ADAM22: variants seen among roughly 807,000 people sequenced by gnomAD.
The protein encoded by ADAM22 is ADAM metallopeptidase domain 22, also known as disintegrin and metalloproteinase domain-containing protein 22.
In ADAM22, 65 loss-of-function variants were observed where a neutral mutation model predicts 144.6. That is an observed-to-expected ratio of 0.45 (90% CI 0.37 to 0.55). ADAM22 has a LOEUF of 0.55. Among genes scored for constraint, ADAM22 ranks in the 20% least tolerant of loss-of-function variants. The pLI, the probability that ADAM22 is intolerant of heterozygous loss-of-function variation, is 0.00. For missense variants in ADAM22, 974 were observed against 1,184.9 expected, an observed-to-expected ratio of 0.82 and a Z score of 2.61; for synonymous variants, 391 against 412.6, an observed-to-expected ratio of 0.95 and a Z score of 0.63.
intron 4 of ADAM22, among the ~76,000 whole-genome samples, chr7:88,077,427 G>A (rs1814914748): frequency 6.6e-6 from 1 of 152,232 alleles, no homozygotes; most frequent in African/African-American, 2.4e-5. Flanking sequence ...CGATGCAGAA[G>A]ACGGGTGATT....
chr7:88,092,912 A>G (rs1585650539), intron 4 of ADAM22, among the ~76,000 whole-genome samples: 1 of 152,000 alleles, frequency 6.6e-6, no homozygotes, highest in East Asian at 2.0e-4. Context: ...TTTGTAACCT[A>G]TTTGAGTAGA....
intron 4 of ADAM22, among the ~76,000 whole-genome samples, chr7:88,085,281 C>T (rs1417440937): frequency 6.6e-6 from 1 of 152,106 alleles, no homozygotes; most frequent in Non-Finnish European, 1.5e-5. Context: ...TTTGCACAAG[C>T]ATGGCCATAT....
chr7:87,954,538 G>A (rs1432389704), intron 2 of ADAM22, among the ~76,000 whole-genome samples: 1 of 152,134 alleles, frequency 6.6e-6, no homozygotes, highest in Non-Finnish European at 1.5e-5. Context: ...GCTTCCCTTT[G>A]TGGGTAACCC....
chr7:88,141,004 G>A (rs1400414540), intron 14 of ADAM22, among the ~76,000 whole-genome samples: 1 of 151,810 alleles, frequency 6.6e-6, no homozygotes, highest in African/African-American at 2.4e-5. Context: ...CAGAGGAGGG[G>A]TCCCAGTGGT....
At chr7:88,149,112 A>G (rs1837563661) in intron 18 of ADAM22, 55 bp downstream of exon 18, 1 of 1,210,536 alleles carries the variant, frequency 8.3e-7, no homozygotes, top group Non-Finnish European at 1.2e-6. Context: ...GGGTATCTTT[A>G]GTGCACTGAC....
chr7:87,990,155 A>G (rs1392456050), intron 3 of ADAM22, among the ~76,000 whole-genome samples: 1 of 152,134 alleles, frequency 6.6e-6, no homozygotes, highest in East Asian at 1.9e-4. Flanking sequence ...AAAAAGATAA[A>G]GACCCTATCT....
Position 88,128,590 on chromosome 7 carries a change from C to T in ADAM22, c.679-12C>T. On this transcript the variant is annotated splice_polypyrimidine_tract_variant and intron_variant, in intron 8 of 31. Coordinates refer to ENST00000413139, the MANE Select transcript of ADAM22 (RefSeq NM_001324418.2). ...GGCTGAATTAGGTGCTGTTTCCTTT[C>T]CTGTGTTACAGCTTCGTCGATATCC... The T allele has an allele frequency of 6.2e-7, 1 of 1,607,046 alleles. No individual in the cohort carries two copies.
rs1840683255 is a variant in ADAM22, at chr7:87,934,506, T to C, written c.41T>C (p.Leu14Pro). Residue 14 changes from leucine to proline, a missense_variant, in exon 1 of 32, where the codon CTC (leucine) becomes CCC (proline). Coordinates refer to ENST00000413139, the MANE Select transcript of ADAM22 (RefSeq NM_001324418.2). ...AVAVSVPFLL[L>P]CVLGTCPPAR... ...GCTGTGTCCGTGCCCTTCTTGCTGC[T>C]CTGTGTCCTGGGGACCTGCCCTCCG... The C allele has an allele frequency of 6.2e-7, 1 of 1,608,978 alleles. No homozygotes were observed. The highest frequency in any genetic ancestry group is 8.5e-7 in the Non-Finnish European group (1 of 1,179,598).
chr7:88,117,752 G>A lies in ADAM22; in HGVS notation c.607+938G>A, dbSNP rs1024922275. ...TCTATCGCCCAGGCTGGAATGCAGT[G>A]ACGCGACCTCAGCTCACTGCAACCT... On this transcript the variant is annotated intron_variant, in intron 7 of 31. Coordinates refer to ENST00000413139, the MANE Select transcript of ADAM22 (RefSeq NM_001324418.2). 8.1e-5 allele frequency among the ~76,000 whole-genome samples: 12 copies of A among 148,868 alleles called. No individual in the cohort carries two copies. In the Admixed American group the frequency reaches 8.1e-4, roughly 10 times the overall value.
At chr7:87,971,918 C>T (rs1208372914) in intron 2 of ADAM22, among the ~76,000 whole-genome samples, 14 of 152,136 alleles carry the variant, frequency 9.2e-5, no homozygotes, top group Admixed American at 5.9e-4. Flanking sequence ...TGGCCGGGTG[C>T]GGTGGCTCAT....
chr7:87,987,483 G>A (rs1254540471), intron 3 of ADAM22, among the ~76,000 whole-genome samples: 1 of 152,154 alleles, frequency 6.6e-6, no homozygotes, highest in African/African-American at 2.4e-5. Context: ...CTGGCCCCAG[G>A]TGTCAAATCA....
At chr7:88,137,731 A>T in intron 14 of ADAM22, among the ~76,000 whole-genome samples, 1 of 152,246 alleles carries the variant, frequency 6.6e-6, no homozygotes. Context: ...CAGACCTCAC[A>T]TCATAATCCT....
intron 3 of ADAM22, among the ~76,000 whole-genome samples, chr7:88,062,449 A>C (rs760241263): frequency 6.6e-5 from 10 of 152,188 alleles, no homozygotes; most frequent in Non-Finnish European, 1.5e-4. Context: ...GCCTTCATAT[A>C]GTTAAAGAGA....
chr7:87,961,189 G>T (rs1336777136), intron 2 of ADAM22, among the ~76,000 whole-genome samples: 1 of 152,104 alleles, frequency 6.6e-6, no homozygotes, highest in African/African-American at 2.4e-5. Flanking sequence ...TGTGAGGAGT[G>T]AGTCATACAG....
At chr7:88,063,163 C>T (rs1810337608) in intron 3 of ADAM22, among the ~76,000 whole-genome samples, 1 of 151,980 alleles carries the variant, frequency 6.6e-6, no homozygotes, top group African/African-American at 2.4e-5. Context: ...ATAGCAATAA[C>T]AAGAACAAAA....
intron 17 of ADAM22, among the ~76,000 whole-genome samples, chr7:88,146,102 A>G (rs975297093): frequency 6.6e-6 from 1 of 152,150 alleles, no homozygotes; most frequent in African/African-American, 2.4e-5. Context: ...CTTTACATCA[A>G]TACTAACATT....
intron 31 of ADAM22, among the ~76,000 whole-genome samples, chr7:88,196,246 G>C (rs1850644399): frequency 6.6e-6 from 1 of 152,140 alleles, no homozygotes; most frequent in Non-Finnish European, 1.5e-5. Flanking sequence ...GATGGTTTTT[G>C]TATCAAAAGA....
intron 11 of ADAM22, chr7:88,132,328 A>G (rs1832016167): frequency 6.6e-6 from 1 of 152,362 alleles, no homozygotes. Flanking sequence ...CCCATGGTCT[A>G]TATTCAAATT....
intron 3 of ADAM22, among the ~76,000 whole-genome samples, chr7:88,019,268 G>C (rs922977870): frequency 6.6e-6 from 1 of 152,132 alleles, no homozygotes; most frequent in African/African-American, 2.4e-5. Flanking sequence ...GAGGCCAGGA[G>C]TTGGAGATCA....
Sources: allele counts gnomAD v4.1 joint callset (sites outside exome capture counted in the v4.1 genomes callset), GRCh38; gene constraint gnomAD v4.1.1; transcripts MANE v1.5; gene names NCBI Gene and HGNC (gene_info 2026-07-23, HGNC 2026-07-21).